L3MBTL3: variants seen among roughly 807,000 people sequenced by gnomAD.
L3MBTL3 encodes the protein lethal(3)malignant brain tumor-like protein 3.
A neutral mutation model predicts 102.3 loss-of-function variants in L3MBTL3; 27 were observed. That is an observed-to-expected ratio of 0.26 (90% CI 0.19 to 0.36). The LOEUF (loss-of-function observed/expected upper bound fraction) is 0.36, where lower values mean the gene tolerates loss of function less well. L3MBTL3 is among the 10% of genes least tolerant of loss of function. The pLI, the probability that L3MBTL3 is intolerant of heterozygous loss-of-function variation, is 1.00. For missense variants in L3MBTL3, 798 were observed against 955.3 expected (o/e 0.84, Z 2.17); for synonymous variants, 340 against 320.9 (o/e 1.06, Z -0.64).
At chr6:130,057,976 T>C (rs1022506709) in intron 9 of L3MBTL3, among the ~76,000 whole-genome samples, 4 of 150,844 alleles carry the variant, frequency 2.7e-5, no homozygotes, top group African/African-American at 9.8e-5. Context: ...ACCCCGTCTC[T>C]ACTAAAAATA....
At chr6:130,087,486 AT>A (rs1397517058) in intron 16 of L3MBTL3, among the ~76,000 whole-genome samples, 1 of 152,206 alleles carries the variant, frequency 6.6e-6, no homozygotes, top group African/African-American at 2.4e-5. Context: ...TTGAAAAAAA[AT>A]ATTGGTTCGA....
intron 18 of L3MBTL3, among the ~76,000 whole-genome samples, chr6:130,094,904 G>T (rs915289434): frequency 1.3e-5 from 2 of 152,126 alleles, no homozygotes; most frequent in Admixed American, 1.3e-4. Flanking sequence ...GAAATGTGAT[G>T]TATTTGGTGA....
rs75284980 is a variant in L3MBTL3, at chr6:130,057,533, G to A, written c.759+36G>A. On this transcript the variant is annotated intron_variant, in intron 9 of 22. Coordinates refer to ENST00000361794, the MANE Select transcript of L3MBTL3 (RefSeq NM_032438.4). Reference sequence around the variant, plus strand: ...TTCTAGAGACGTGATCTGTAAGGGCGCAGGAGCTGGGATACCAGCCTGAAT... The same window carrying A: ...TTCTAGAGACGTGATCTGTAAGGGCACAGGAGCTGGGATACCAGCCTGAAT... The A allele has an allele frequency of 0.012, 17,625 of 1,485,016 alleles. 915 individuals carry two copies. The African/African-American group carries it at 0.13, about 11-fold the overall frequency. 92.0% of individuals were successfully genotyped at this position (1,485,016 alleles called of 1,614,324 possible). A position where few individuals can be genotyped will look rare whatever the true frequency, so the allele number is the denominator to read the frequency against.
chr6:130,103,482 G>A (rs918647550), intron 18 of L3MBTL3, among the ~76,000 whole-genome samples: 8 of 151,700 alleles, frequency 5.3e-5, no homozygotes, highest in Middle Eastern at 3.2e-3. Context: ...ATTTTCCCTG[G>A]GTGATTATCA....
chr6:130,058,425 G>A (rs1781667469), intron 9 of L3MBTL3, among the ~76,000 whole-genome samples: 1 of 151,450 alleles, frequency 6.6e-6, no homozygotes, highest in South Asian at 2.1e-4. Context: ...ATCACTTGAG[G>A]CCAGGAGTTC....
intron 2 of L3MBTL3, among the ~76,000 whole-genome samples, chr6:130,027,214 A>G (rs79728133): frequency 0.014 from 2,154 of 152,284 alleles, 30 homozygotes; most frequent in Non-Finnish European, 0.021. Flanking sequence ...CATTGTAGGC[A>G]TTGATTACAA....
At chr6:130,086,275 G>A in intron 16 of L3MBTL3, 25 bp downstream of exon 16, 1 of 1,464,114 alleles carries the variant, frequency 6.8e-7, no homozygotes, top group Non-Finnish European at 9.4e-7. Flanking sequence ...TGGGGGGTTG[G>A]CTTTGTCTTT....
intron 2 of L3MBTL3, among the ~76,000 whole-genome samples, 154 bp from the exon 3 acceptor site, chr6:130,042,531 A>C (rs1278938832): frequency 6.6e-6 from 1 of 152,246 alleles, no homozygotes; most frequent in Non-Finnish European, 1.5e-5. Context: ...AAAAAGTGTT[A>C]ATATTTTTGA....
intron 14 of L3MBTL3, among the ~76,000 whole-genome samples, chr6:130,081,720 C>T (rs1243940167): frequency 6.6e-6 from 1 of 152,050 alleles, no homozygotes; most frequent in Admixed American, 6.6e-5. Flanking sequence ...CCACCGCACC[C>T]GGCTGCATAT....
At chr6:130,050,136 C>G (rs960724150) in intron 5 of L3MBTL3, among the ~76,000 whole-genome samples, 2 of 152,230 alleles carry the variant, frequency 1.3e-5, no homozygotes, top group African/African-American at 4.8e-5. Flanking sequence ...AGATGTCACT[C>G]TACTTCTAAT....
At chr6:130,061,667 T>C (rs1489786351) in intron 10 of L3MBTL3, among the ~76,000 whole-genome samples, 1 of 152,170 alleles carries the variant, frequency 6.6e-6, no homozygotes, top group Non-Finnish European at 1.5e-5. Flanking sequence ...TTAGACCCTT[T>C]TGAGTTGGAA....
chr6:130,115,240 C>G (rs1785588773), intron 19 of L3MBTL3, among the ~76,000 whole-genome samples: 3 of 152,028 alleles, frequency 2.0e-5, no homozygotes, highest in Admixed American at 6.6e-5. Flanking sequence ...TATTTTAAAC[C>G]AAGCCAAACT....
At chr6:130,045,333 G>C (rs1348534889) in intron 3 of L3MBTL3, among the ~76,000 whole-genome samples, 1 of 152,090 alleles carries the variant, frequency 6.6e-6, no homozygotes, top group Non-Finnish European at 1.5e-5. Flanking sequence ...CCTGTTGCTG[G>C]AATCCCTTCT....
Position 130,071,072 on chromosome 6 carries a change from G to A in L3MBTL3, c.1189G>A (p.Val397Met), listed in dbSNP as rs776125684. The change falls in exon 13 of 23, where the codon GTG (valine) becomes ATG (methionine). Residue 397 changes from valine (V) to methionine (M), a missense_variant. Val to Met is a conservative substitution (Grantham distance 21). Coordinates refer to ENST00000361794, the MANE Select transcript of L3MBTL3 (RefSeq NM_032438.4). ...FICVATVTDMVDNRFLVHFDN... is the reference protein window; with the variant it reads ...FICVATVTDMMDNRFLVHFDN... ...CTGTGTTGCTACGGTAACAGATATG[G>A]TGGACAATCGTTTCCTGGTACATTT... 3 of 1,613,282 alleles carry A rather than the reference G, an allele frequency of 1.9e-6. No individual in the cohort carries two copies. Among genetic ancestry groups the A allele is most frequent in the South Asian group, 1.1e-5 (1 of 91,020 alleles).
intron 10 of L3MBTL3, among the ~76,000 whole-genome samples, chr6:130,063,914 T>G (rs1295772229): frequency 6.6e-6 from 1 of 152,232 alleles, no homozygotes; most frequent in African/African-American, 2.4e-5. Flanking sequence ...CCTTCTTGAT[T>G]GACTTCAGCT....
intron 16 of L3MBTL3, among the ~76,000 whole-genome samples, chr6:130,087,101 A>G (rs1783735371): frequency 6.6e-6 from 1 of 152,174 alleles, no homozygotes; most frequent in African/African-American, 2.4e-5. Context: ...TCTAAGCTGT[A>G]GGAGTCTTAA....
chr6:130,037,188 C>G (rs2114634937), intron 2 of L3MBTL3, among the ~76,000 whole-genome samples: 1 of 152,246 alleles, frequency 6.6e-6, no homozygotes, highest in East Asian at 1.9e-4. Context: ...ATGCTATTAT[C>G]AAATGCTATT....
chr6:130,107,564 C>CTG (rs1243332122), intron 19 of L3MBTL3, among the ~76,000 whole-genome samples: 1 of 152,116 alleles, frequency 6.6e-6, no homozygotes, highest in Non-Finnish European at 1.5e-5. Flanking sequence ...ACAATAAATA[C>CTG]TGATATATTA....
chr6:130,030,090 CA>C (rs1779612609), intron 2 of L3MBTL3, among the ~76,000 whole-genome samples: 1 of 152,058 alleles, frequency 6.6e-6, no homozygotes, highest in South Asian at 2.1e-4. Flanking sequence ...AACTCCTGAC[CA>C]TTTTTGATTC....
Sources: gnomAD v4.1 joint callset for allele counts (sites outside exome capture counted in the v4.1 genomes callset) on GRCh38, gnomAD v4.1.1 for gene constraint, MANE v1.5 for transcripts, NCBI Gene and HGNC (gene_info 2026-07-23, HGNC 2026-07-21) for gene names.